ATP9A: variants seen among roughly 807,000 people sequenced by gnomAD.
ATP9A encodes the protein probable phospholipid-transporting ATPase IIA.
ATP9A carries 52 observed loss-of-function variants against 144.1 expected under a neutral mutation model. The observed-to-expected ratio is 0.36, with a 90% CI of 0.29 to 0.45. The LOEUF is 0.45. Ranked by LOEUF, ATP9A falls within the 20% of genes least tolerant of loss-of-function variation. ATP9A has a pLI of 1.00. For missense variants in ATP9A, 947 were observed against 1,392.7 expected (o/e 0.68, Z 5.09); for synonymous variants, 582 against 557.4 (o/e 1.04, Z -0.62).
chr20:51,726,833 C>T lies in ATP9A; in HGVS notation c.214-901G>A, dbSNP rs369850391. ...GGCTCAAGCGATCCTCCCACTTCAG[C>T]CTCCCAAAGTGTTGGGATTACAGAC... On this transcript the variant is annotated intron_variant, in intron 2 of 27. Coordinates refer to ENST00000338821, the MANE Select transcript of ATP9A (RefSeq NM_006045.3). 9.9e-5 allele frequency among the ~76,000 whole-genome samples: 15 copies of T among 151,708 alleles called. No homozygotes were observed. The East Asian group carries it at 1.4e-3, about 14-fold the overall frequency.
Position 51,768,280 on chromosome 20 carries a change from A to C in ATP9A, c.68+22T>G, listed in dbSNP as rs979562112. 2.1e-5 allele frequency: 26 copies of C among 1,252,030 alleles called. No individual in the cohort carries two copies. In the African/African-American group the frequency reaches 3.3e-4, roughly 16 times the overall value. The allele number at this position is 1,252,030 out of a possible 1,614,324, so 77.6% of individuals were successfully genotyped here. A position where few individuals can be genotyped will look rare whatever the true frequency, so the allele number is the denominator to read the frequency against. On this transcript the variant is annotated intron_variant, in intron 1 of 27. Coordinates refer to ENST00000338821, the MANE Select transcript of ATP9A (RefSeq NM_006045.3). ...CTCCGGGAGGCGCGGACAAAGGAAA[A>C]CACGGGCCCAGGCCCACTCACCCGG...
intron 19 of ATP9A, 26 bp from the exon 20 acceptor site, chr20:51,619,069 G>C: frequency 6.3e-7 from 1 of 1,590,620 alleles, no homozygotes; most frequent in Non-Finnish European, 8.6e-7. Flanking sequence ...GATGGGGAAG[G>C]AGGCATTGCT....
intron 14 of ATP9A, among the ~76,000 whole-genome samples, chr20:51,651,370 AT>A (rs1322980977): frequency 2.1e-5 from 2 of 96,722 alleles, no homozygotes; most frequent in Non-Finnish European, 4.5e-5. Flanking sequence ...CATTATATAT[AT>A]TTCTTTACAT....
At chr20:51,739,382 G>A (rs112641760) in intron 1 of ATP9A, among the ~76,000 whole-genome samples, 79 of 124,528 alleles carry the variant, frequency 6.3e-4, no homozygotes, top group African/African-American at 2.3e-3. Flanking sequence ...ATGGAGTCTT[G>A]CTCTGTCGCC....
At chr20:51,633,794 AAAAG>A (rs568489747) in intron 15 of ATP9A, among the ~76,000 whole-genome samples, 58 of 151,508 alleles carry the variant, frequency 3.8e-4, no homozygotes, top group East Asian at 1.6e-3. Flanking sequence ...GGAGGCAAAA[AAAAG>A]AAAGAAAGAA....
intron 13 of ATP9A, among the ~76,000 whole-genome samples, chr20:51,668,687 T>A (rs983058065): frequency 5.3e-5 from 8 of 152,070 alleles, no homozygotes; most frequent in African/African-American, 1.9e-4. Context: ...TTGAAAAAGG[T>A]CCATGGATCC....
intron 9 of ATP9A, among the ~76,000 whole-genome samples, chr20:51,681,719 G>A (rs1259099084): frequency 1.3e-5 from 2 of 152,130 alleles, no homozygotes; most frequent in African/African-American, 4.8e-5. Flanking sequence ...ACCGCGCCCA[G>A]CCTCCATCCG....
chr20:51,683,936 ATTTTC>A (rs1426493626), intron 9 of ATP9A, among the ~76,000 whole-genome samples: 3 of 152,148 alleles, frequency 2.0e-5, no homozygotes, highest in African/African-American at 7.2e-5. Context: ...AGCAGGGAAA[ATTTTC>A]TTAGCATGAC....
chr20:51,693,875 C>G, intron 7 of ATP9A, 133 bp downstream of exon 7: 2 of 754,250 alleles, frequency 2.7e-6, no homozygotes, highest in Non-Finnish European at 4.4e-6. Flanking sequence ...CCCAGGGGCT[C>G]TCCAGGACCC....
chr20:51,759,439 G>A (rs560945580), intron 1 of ATP9A, among the ~76,000 whole-genome samples: 7 of 152,298 alleles, frequency 4.6e-5, no homozygotes, highest in East Asian at 3.9e-4. Context: ...TTGGGAGGCC[G>A]AGGTGGGTGG....
intron 4 of ATP9A, among the ~76,000 whole-genome samples, chr20:51,712,321 G>A (rs1392947895): frequency 2.6e-5 from 4 of 152,058 alleles, no homozygotes; most frequent in African/African-American, 9.7e-5. Flanking sequence ...TGATCAGCCC[G>A]CCTCGGCCTC....
At chr20:51,733,416 C>G (rs1316517485) in intron 1 of ATP9A, among the ~76,000 whole-genome samples, 1 of 152,010 alleles carries the variant, frequency 6.6e-6, no homozygotes, top group Non-Finnish European at 1.5e-5. Context: ...TTCTGTTGCC[C>G]AGGCTAGAGA....
intron 17 of ATP9A, 75 bp downstream of exon 17, chr20:51,627,525 T>G: frequency 2.2e-5 from 29 of 1,324,332 alleles, no homozygotes; most frequent in Non-Finnish European, 3.0e-5. Context: ...TCGCATAGGA[T>G]GAGGGATGGT....
chr20:51,707,189 T>G (rs1450095305), intron 4 of ATP9A, among the ~76,000 whole-genome samples: 1 of 152,216 alleles, frequency 6.6e-6, no homozygotes, highest in African/African-American at 2.4e-5. Context: ...TTTAATGCCC[T>G]GCTGTTGCCA....
At chr20:51,722,037 ATACT>A (rs2077691965) in intron 3 of ATP9A, among the ~76,000 whole-genome samples, 1 of 152,112 alleles carries the variant, frequency 6.6e-6, no homozygotes, top group Admixed American at 6.6e-5. Context: ...ATAAACCCAA[ATACT>A]TACAGCCGAC....
chr20:51,719,473 G>A (rs1601125119), intron 3 of ATP9A, among the ~76,000 whole-genome samples: 2 of 151,960 alleles, frequency 1.3e-5, no homozygotes, highest in East Asian at 1.9e-4. Flanking sequence ...AGTGGCTCAC[G>A]CCTGTAATCC....
chr20:51,619,587 G>A (rs917949927), intron 19 of ATP9A, among the ~76,000 whole-genome samples: 1 of 142,962 alleles, frequency 7.0e-6, no homozygotes, highest in Non-Finnish European at 1.5e-5. Context: ...GGGGGGGGGG[G>A]GCCAGGTACG....
chr20:51,638,643 G>A (rs547928329), intron 15 of ATP9A, among the ~76,000 whole-genome samples: 2 of 152,172 alleles, frequency 1.3e-5, no homozygotes, highest in African/African-American at 2.4e-5. Flanking sequence ...CAGGAGAATC[G>A]GTTGAGGCCA....
intron 1 of ATP9A, among the ~76,000 whole-genome samples, chr20:51,754,200 G>T (rs1014161265): frequency 2.0e-5 from 3 of 152,010 alleles, no homozygotes; most frequent in African/African-American, 7.2e-5. Flanking sequence ...CTCAATCTCA[G>T]ATACAGAAAA....
Sources: allele counts gnomAD v4.1 joint callset (sites outside exome capture counted in the v4.1 genomes callset), GRCh38; gene constraint gnomAD v4.1.1; transcripts MANE v1.5; gene names NCBI Gene and HGNC (gene_info 2026-07-23, HGNC 2026-07-21).